Variants in AFF2 observed in about 807,000 individuals in gnomAD.
AFF2 encodes ALF transcription elongation factor 2, also known as AF4/FMR2 family member 2.
Under a neutral mutation model 76.9 loss-of-function variants are expected in AFF2, and 14 were observed. The ratio of observed to expected loss-of-function variants is 0.18; its 90% CI spans 0.12 to 0.28. The LOEUF (loss-of-function observed/expected upper bound fraction) is 0.28, where lower values mean the gene tolerates loss of function less well. Ranked by LOEUF, AFF2 falls within the 10% of genes least tolerant of loss-of-function variation. AFF2 has a pLI of 1.00. For missense variants in AFF2, 868 were observed against 1,001.1 expected (o/e 0.87, Z 1.79); for synonymous variants, 398 against 366.7 (o/e 1.09, Z -0.98).
At chrX:148,809,183 A>G (rs2070172881) in intron 3 of AFF2, among the ~76,000 whole-genome samples, 1 of 112,024 alleles carries the variant, frequency 8.9e-6, no homozygotes, top group Non-Finnish European at 1.9e-5. Context: ...CTGATCATGC[A>G]CTGTCTTACA....
rs371160275 is a variant in AFF2 at position 148,955,887 on chromosome X, G to T, written c.1842G>T (p.Leu614Phe). The T allele has an allele frequency of 4.1e-6, 5 of 1,209,827 alleles. No homozygotes were observed. The highest frequency in any genetic ancestry group is 2.3e-4 in the Middle Eastern group (1 of 4,354). Residue 614 changes from leucine to phenylalanine, a missense_variant, in exon 11 of 21, where the codon TTG (leucine) becomes TTT (phenylalanine). By Grantham distance (22) the Leu-to-Phe change is conservative. This residue lies in a region of AFF2 where 532 missense variants were observed against 564.2 expected (regional missense o/e 0.94). Transcript: ENST00000370460. ...AAACAAAGGCTTTGAAGCATAAGTT[G>T]TCAACAACTAGTGAGACAGTGTCTC... ...IPETKALKHK[L>F]STTSETVSQR...
chrX:148,942,906 C>T (rs782550417), intron 9 of AFF2, among the ~76,000 whole-genome samples: 1 of 111,154 alleles, frequency 9.0e-6, no homozygotes, highest in African/African-American at 3.3e-5. Context: ...AGTTAAGAAG[C>T]AGTTTTAGTA....
intron 3 of AFF2, among the ~76,000 whole-genome samples, chrX:148,717,089 T>C (rs2055032264): frequency 8.9e-6 from 1 of 111,821 alleles, no homozygotes; most frequent in African/African-American, 3.2e-5. Flanking sequence ...AAACCATACG[T>C]CCACACAGAA....
intron 9 of AFF2, among the ~76,000 whole-genome samples, chrX:148,942,850 A>G (rs1326096098): frequency 9.1e-6 from 1 of 110,098 alleles, no homozygotes; most frequent in African/African-American, 3.3e-5. Context: ...AGAAAAGAAC[A>G]TTGGATTGGC....
At chrX:148,697,341 A>C (rs964261719) in intron 3 of AFF2, among the ~76,000 whole-genome samples, 1 of 112,508 alleles carries the variant, frequency 8.9e-6, no homozygotes, top group Middle Eastern at 4.2e-3. Context: ...TTGATGGCCA[A>C]CTGAGGGTTA....
chrX:148,632,300 TTG>T (rs1409965708), intron 1 of AFF2, among the ~76,000 whole-genome samples: 1 of 111,861 alleles, frequency 8.9e-6, no homozygotes, highest in African/African-American at 3.3e-5. Flanking sequence ...GTGACTCAAC[TTG>T]TTAAAGTTAA....
chrX:148,720,353 C>A (rs1472174056), intron 3 of AFF2, among the ~76,000 whole-genome samples: 1 of 109,965 alleles, frequency 9.1e-6, no homozygotes, highest in Admixed American at 9.8e-5. Context: ...TTTCTTCTTT[C>A]CTCATTCCCA....
intron 11 of AFF2, 145 bp from the exon 12 acceptor site, chrX:148,958,192 A>G (rs2072064300): frequency 3.6e-6 from 3 of 823,845 alleles, no homozygotes; most frequent in Non-Finnish European, 5.1e-6. Flanking sequence ...CTGTCTGATC[A>G]AAGGTGCACA....
At chrX:148,797,510 C>G (rs1399421933) in intron 3 of AFF2, among the ~76,000 whole-genome samples, 4 of 112,281 alleles carry the variant, frequency 3.6e-5, no homozygotes, top group African/African-American at 1.3e-4. Context: ...TTTCACTATG[C>G]CAAAAATAAA....
chrX:148,805,866 C>T (rs1204440228), intron 3 of AFF2, among the ~76,000 whole-genome samples: 1 of 112,419 alleles, frequency 8.9e-6, no homozygotes, highest in African/African-American at 3.2e-5. Context: ...ACATCCGTGC[C>T]CAGCACAAGA....
Position 148,668,590 on chromosome X carries a change from G to A in AFF2, c.1041+5822G>A, listed in dbSNP as rs1450370973. The stretch of plus-strand genomic sequence containing the variant: ...CTTCTCTGCACCTGCAGGCTCAACA[G>A]CATGTGGAAGCTGCCAAGATGTTGG... On this transcript the variant is annotated intron_variant, in intron 3 of 20. Coordinates refer to ENST00000370460, the MANE Select transcript of AFF2 (RefSeq NM_002025.4). Among the ~76,000 whole-genome samples the A allele has an allele frequency of 4.4e-5, 5 of 112,651 alleles. No homozygotes were observed. The East Asian group carries it at 1.4e-3, about 32-fold the overall frequency.
intron 3 of AFF2, among the ~76,000 whole-genome samples, chrX:148,785,726 A>C (rs1474090649): frequency 1.8e-5 from 2 of 112,287 alleles, no homozygotes; most frequent in African/African-American, 6.5e-5. Context: ...CCTCCCTGCT[A>C]TAAGGAAGGC....
chrX:148,869,900 T>G (rs1257272684), intron 7 of AFF2, among the ~76,000 whole-genome samples: 1 of 111,280 alleles, frequency 9.0e-6, no homozygotes, highest in Non-Finnish European at 1.9e-5. Flanking sequence ...AAATTGCCCC[T>G]TTTTATAAGG....
intron 1 of AFF2, among the ~76,000 whole-genome samples, chrX:148,533,982 A>G (rs971559012): frequency 8.9e-6 from 1 of 112,015 alleles, no homozygotes; most frequent in Admixed American, 9.5e-5. Flanking sequence ...TCTTTTAAAA[A>G]CCATACTTCA....
intron 1 of AFF2, among the ~76,000 whole-genome samples, chrX:148,524,544 C>T (rs889071332): frequency 8.9e-6 from 1 of 111,862 alleles, no homozygotes; most frequent in South Asian, 3.7e-4. Flanking sequence ...CAACCCCCTT[C>T]CCCAATTTAA....
chrX:148,621,190 A>T (rs782770655), intron 1 of AFF2, among the ~76,000 whole-genome samples: 11 of 111,976 alleles, frequency 9.8e-5, no homozygotes, highest in Non-Finnish European at 1.9e-4. Flanking sequence ...TTATTGGACG[A>T]GCTTGGGACA....
At position 148,964,517 on chromosome X, in the gene AFF2, G is replaced by C. The variant is rs182807287; in HGVS notation, c.2913+1580G>C. Among the ~76,000 whole-genome samples the C allele has an allele frequency of 1.1e-4, 12 of 112,012 alleles. No individual in the cohort carries two copies. In the East Asian group the frequency reaches 2.5e-3, roughly 24 times the overall value. ...CATGGATGAACCTTTAAGACATTATGCTAAGTGAAATAAGCCAGACACCAA... is the reference window on the plus strand; with the variant it reads ...CATGGATGAACCTTTAAGACATTATCCTAAGTGAAATAAGCCAGACACCAA... On this transcript the variant is annotated intron_variant, in intron 13 of 20. Coordinates refer to ENST00000370460, the MANE Select transcript of AFF2 (RefSeq NM_002025.4).
rs188959596 is a variant in AFF2 at position 148,505,051 on chromosome X, T to A, written c.47+3907T>A. Reference sequence around the variant, plus strand: ...CAGCATTTCTTGTTCTCTACCTCCATCCATTTATCTTTCCCGTTTTCCCTC... The same window carrying A: ...CAGCATTTCTTGTTCTCTACCTCCAACCATTTATCTTTCCCGTTTTCCCTC... On this transcript the variant is annotated intron_variant, in intron 1 of 20. Transcript: ENST00000370460. Among the ~76,000 whole-genome samples the A allele has an allele frequency of 5.5e-3, 608 of 111,511 alleles. 1 individual carries two copies. Among genetic ancestry groups the A allele is most frequent in the South Asian group, 0.021 (56 of 2,611 alleles).
At chrX:148,846,614 C>T (rs1237656849) in intron 7 of AFF2, among the ~76,000 whole-genome samples, 2 of 111,282 alleles carry the variant, frequency 1.8e-5, no homozygotes, top group Non-Finnish European at 3.8e-5. Context: ...ACCCCTCAGC[C>T]TCTATGATTC....
Sources: gnomAD v4.1 joint callset for allele counts (sites outside exome capture counted in the v4.1 genomes callset) on GRCh38, gnomAD v4.1.1 for gene constraint, gnomAD v4.1.1 regional missense constraint, MANE v1.5 for transcripts, NCBI Gene and HGNC (gene_info 2026-07-23, HGNC 2026-07-21) for gene names.